The following ZRANB3 variants were observed in gnomAD, a reference collection of about 807,000 sequenced individuals.
ZRANB3 encodes DNA annealing helicase and endonuclease ZRANB3.
A neutral mutation model predicts 133.8 loss-of-function variants in ZRANB3; 125 were observed. That is an observed-to-expected ratio of 0.93 (90% CI 0.81 to 1.08). The LOEUF (loss-of-function observed/expected upper bound fraction) is 1.08. Among genes scored for constraint, ZRANB3 ranks in the 50% least tolerant of loss-of-function variants. The pLI is 0.00. For synonymous variants in ZRANB3, 387 were observed against 432.7 expected, an observed-to-expected ratio of 0.89 and a Z score of 1.31; for missense variants, 1,229 against 1,275.5, an observed-to-expected ratio of 0.96 and a Z score of 0.56.
Position 135,292,044 on chromosome 2 carries a change from C to T in ZRANB3, c.967-16289G>A, listed in dbSNP as rs569153963. The stretch of plus-strand genomic sequence containing the variant: ...AAGTCTTTGCTATTGTGAATAGTGC[C>T]GAAATAAATGTACGTGTGCATGTGT... On this transcript the variant is annotated intron_variant, in intron 8 of 20. Transcript: ENST00000264159. Among the ~76,000 whole-genome samples the T allele has an allele frequency of 2.4e-3, 360 of 152,118 alleles. 3 individuals carry two copies. The highest frequency in any genetic ancestry group is 8.0e-3 in the African/African-American group (334 of 41,506).
At chr2:135,275,509 G>A (rs1464252057) in intron 9 of ZRANB3, 127 bp downstream of exon 9, 2 of 632,020 alleles carry the variant, frequency 3.2e-6, no homozygotes, top group African/African-American at 3.8e-5. Context: ...CAAGAAAAAT[G>A]TGTGATAATT....
At chr2:135,206,741 A>C in intron 19 of ZRANB3, among the ~76,000 whole-genome samples, 2 of 139,440 alleles carry the variant, frequency 1.4e-5, no homozygotes, top group East Asian at 2.4e-4. Flanking sequence ...AGAAAGGGGA[A>C]GAGGGAGGGG....
chr2:135,372,577 G>A (rs1405881193), intron 3 of ZRANB3, among the ~76,000 whole-genome samples: 1 of 151,874 alleles, frequency 6.6e-6, no homozygotes, highest in Non-Finnish European at 1.5e-5. Context: ...CATGAGATCA[G>A]GAGATCGAGA....
chr2:135,424,263 T>C lies in ZRANB3; in HGVS notation c.162-33443A>G, dbSNP rs1474455420. 2.6e-5 allele frequency among the ~76,000 whole-genome samples: 4 copies of C among 151,768 alleles called. No individual in the cohort carries two copies. The East Asian group carries it at 7.7e-4, about 29-fold the overall frequency. On this transcript the variant is annotated intron_variant, in intron 2 of 20. Transcript: ENST00000264159. ...AAAGTTCAATAGAAGTACTAGAAAATAGATTTGAGGAAAATTTTCACAAAA... is the reference window on the plus strand; with the variant it reads ...AAAGTTCAATAGAAGTACTAGAAAACAGATTTGAGGAAAATTTTCACAAAA...
At chr2:135,359,188 G>A (rs1685567097) in intron 3 of ZRANB3, among the ~76,000 whole-genome samples, 2 of 152,018 alleles carry the variant, frequency 1.3e-5, no homozygotes, top group South Asian at 4.1e-4. Context: ...TTCAATATAC[G>A]TTAATAAACT....
At chr2:135,403,911 C>T (rs1444572485) in intron 2 of ZRANB3, among the ~76,000 whole-genome samples, 1 of 152,188 alleles carries the variant, frequency 6.6e-6, no homozygotes, top group Non-Finnish European at 1.5e-5. Flanking sequence ...AGAAGGAAAA[C>T]TAACAAACAG....
chr2:135,511,712 G>T, intron 1 of ZRANB3: 1 of 766,290 alleles, frequency 1.3e-6, no homozygotes, highest in Non-Finnish European at 2.4e-6. Context: ...TCAACATGGA[G>T]AATCTTGGTG....
chr2:135,402,652 T>C (rs1375124590), intron 2 of ZRANB3, among the ~76,000 whole-genome samples: 1 of 151,804 alleles, frequency 6.6e-6, no homozygotes, highest in Non-Finnish European at 1.5e-5. Context: ...AATGGTGCGA[T>C]CTTAGCTCAC....
chr2:135,481,162 C>T (rs1334349731), intron 2 of ZRANB3, among the ~76,000 whole-genome samples: 10 of 151,246 alleles, frequency 6.6e-5, no homozygotes, highest in Middle Eastern at 3.4e-3. Flanking sequence ...ATGGTATTTC[C>T]AGTTCTAGAT....
intron 3 of ZRANB3, among the ~76,000 whole-genome samples, chr2:135,361,722 G>A (rs944291053): frequency 1.3e-5 from 2 of 152,120 alleles, no homozygotes; most frequent in Non-Finnish European, 2.9e-5. Flanking sequence ...TAAAATCTTA[G>A]TGAGGATTTC....
At chr2:135,320,781 T>G (rs1683486080) in intron 6 of ZRANB3, among the ~76,000 whole-genome samples, 1 of 152,208 alleles carries the variant, frequency 6.6e-6, no homozygotes, top group Non-Finnish European at 1.5e-5. Context: ...GGTTCTCTTG[T>G]GCCTCTTGTA....
chr2:135,217,462 T>G lies in ZRANB3; in HGVS notation c.2495+3A>C. On this transcript the variant is annotated splice_donor_region_variant and intron_variant, in intron 17 of 20. Coordinates refer to ENST00000264159, the MANE Select transcript of ZRANB3 (RefSeq NM_032143.4). ...ACAAAATTTAAAAAAAGACAACTCA[T>G]ACCTTTTGGTGCAATTTTGTTTGGT... The G allele has an allele frequency of 6.2e-7, 1 of 1,602,858 alleles. No individual in the cohort carries two copies.
chr2:135,431,002 C>T (rs1689295480), intron 2 of ZRANB3, among the ~76,000 whole-genome samples: 1 of 151,908 alleles, frequency 6.6e-6, no homozygotes, highest in Non-Finnish European at 1.5e-5. Context: ...CAGCTTGAAT[C>T]AACGGCTCAT....
At chr2:135,366,861 A>T (rs796464246) in intron 3 of ZRANB3, among the ~76,000 whole-genome samples, 286 of 147,658 alleles carry the variant, frequency 1.9e-3, no homozygotes, top group African/African-American at 6.6e-3. Flanking sequence ...TACTAAAAAT[A>T]AAAAAAAAAA....
At chr2:135,470,639 A>G (rs1266805774) in intron 2 of ZRANB3, among the ~76,000 whole-genome samples, 1 of 151,848 alleles carries the variant, frequency 6.6e-6, no homozygotes. Flanking sequence ...GTGATCCAAG[A>G]TCACGCCACT....
At chr2:135,249,169 T>C (rs917822178) in intron 12 of ZRANB3, among the ~76,000 whole-genome samples, 3 of 152,192 alleles carry the variant, frequency 2.0e-5, no homozygotes, top group Admixed American at 6.5e-5. Flanking sequence ...AGTTCAACTA[T>C]TGTGGAAAGC....
intron 2 of ZRANB3, among the ~76,000 whole-genome samples, chr2:135,440,561 A>G (rs958223471): frequency 6.6e-6 from 1 of 152,148 alleles, no homozygotes; most frequent in African/African-American, 2.4e-5. Flanking sequence ...TGGTCCTTGG[A>G]ATCTGAGATT....
chr2:135,358,765 T>C (rs1685547445), intron 3 of ZRANB3, among the ~76,000 whole-genome samples: 2 of 152,076 alleles, frequency 1.3e-5, no homozygotes, highest in Admixed American at 1.3e-4. Context: ...AAGGATAAAA[T>C]AAAGAGTCTC....
At chr2:135,331,564 C>A (rs1330242940) in intron 6 of ZRANB3, among the ~76,000 whole-genome samples, 2 of 152,136 alleles carry the variant, frequency 1.3e-5, no homozygotes, top group Non-Finnish European at 2.9e-5. Flanking sequence ...CTGTAGATGT[C>A]TATTAGGTCT....
Sources: allele counts gnomAD v4.1 joint callset (sites outside exome capture counted in the v4.1 genomes callset), GRCh38; gene constraint gnomAD v4.1.1; transcripts MANE v1.5; gene names NCBI Gene and HGNC (gene_info 2026-07-23, HGNC 2026-07-21).